ZNF407: variants seen among roughly 807,000 people sequenced by gnomAD.
The protein encoded by ZNF407 is zinc finger protein 407.
In ZNF407, 17 loss-of-function variants were observed where a neutral mutation model predicts 131.2. The ratio of observed to expected loss-of-function variants is 0.13; its 90% CI spans 0.09 to 0.19. The LOEUF is 0.19. Among genes scored for constraint, ZNF407 ranks in the 10% least tolerant of loss-of-function variants. The pLI, the probability that ZNF407 is intolerant of heterozygous loss-of-function variation, is 1.00. For synonymous variants in ZNF407, 1,156 were observed against 1,062.0 expected (o/e 1.09, Z -1.72); for missense variants, 2,681 against 2,830.6 (o/e 0.95, Z 1.20).
In ZNF407 at chr18:74,620,025, T is replaced by TAA. The variant is rs36173609; in HGVS notation, c.-53-10931_-53-10930dup. 4.7e-3 allele frequency among the ~76,000 whole-genome samples: 696 copies of TAA among 147,254 alleles called. 3 individuals are homozygous for TAA. The highest frequency in any genetic ancestry group is 7.8e-3 in the Admixed American group (116 of 14,842). On this transcript the variant is annotated intron_variant, in intron 1 of 8. Coordinates refer to ENST00000299687, the MANE Select transcript of ZNF407 (RefSeq NM_017757.3). ...GTCCCCTTTTTTCTATCCCAATAAT[T>TAA]AAAAAAAAAAAACCCAGACAATTAG... is the stretch of plus-strand genomic sequence containing the variant.
rs117362237 is a variant in ZNF407, at chr18:75,004,999, G to A, written c.5429-58151G>A. 2.6e-5 allele frequency among the ~76,000 whole-genome samples: 4 copies of A among 152,292 alleles called. No homozygotes were observed. In the East Asian group the frequency reaches 7.7e-4, roughly 29 times the overall value. ...CAGAGATATTGACAGTCTGTGCTTG[G>A]AAGGAAAATAGGAGTTTGATATGAC... On this transcript the variant is annotated intron_variant, in intron 8 of 8. Transcript: ENST00000299687.
At chr18:75,054,287 G>A (rs1382117609) in intron 8 of ZNF407, among the ~76,000 whole-genome samples, 1 of 152,202 alleles carries the variant, frequency 6.6e-6, no homozygotes, top group Non-Finnish European at 1.5e-5. Flanking sequence ...TCTGTTTACT[G>A]TAAATTTGAT....
At chr18:74,772,147 T>C (rs539856352) in intron 3 of ZNF407, among the ~76,000 whole-genome samples, 4 of 152,320 alleles carry the variant, frequency 2.6e-5, no homozygotes, top group South Asian at 2.1e-4. Flanking sequence ...ACTTATCTTG[T>C]CTGAGCCCCA....
At chr18:75,055,542 G>A (rs1459659702) in intron 8 of ZNF407, among the ~76,000 whole-genome samples, 2 of 152,170 alleles carry the variant, frequency 1.3e-5, no homozygotes, top group Admixed American at 6.5e-5. Flanking sequence ...CTAAGGGTCT[G>A]GTATAATACA....
At chr18:74,638,934 G>A (rs750191946) in intron 2 of ZNF407, among the ~76,000 whole-genome samples, 11 of 151,878 alleles carry the variant, frequency 7.2e-5, no homozygotes, top group South Asian at 2.1e-4. Flanking sequence ...TCTTTAATGC[G>A]GAGAAGTATT....
chr18:74,605,970 G>A (rs934011415), intron 1 of ZNF407, among the ~76,000 whole-genome samples: 19 of 152,178 alleles, frequency 1.2e-4, no homozygotes, highest in Non-Finnish European at 2.4e-4. Flanking sequence ...TCCTAAGCCC[G>A]ATGAAATTAC....
intron 8 of ZNF407, among the ~76,000 whole-genome samples, chr18:75,043,120 G>A (rs527987383): frequency 9.9e-5 from 15 of 152,248 alleles, no homozygotes; most frequent in Admixed American, 2.0e-4. Flanking sequence ...GTGCCATTTC[G>A]CATCCCCACC....
At chr18:74,973,765 C>G (rs1228512183) in intron 8 of ZNF407, among the ~76,000 whole-genome samples, 9 of 152,144 alleles carry the variant, frequency 5.9e-5, no homozygotes, top group Admixed American at 4.6e-4. Context: ...TGGAACAGTT[C>G]CAGGCGTCTC....
chr18:75,040,808 C>T (rs550260029), intron 8 of ZNF407, among the ~76,000 whole-genome samples: 7 of 152,192 alleles, frequency 4.6e-5, no homozygotes, highest in African/African-American at 1.7e-4. Context: ...TACTTCTAAT[C>T]CAGACTTCTA....
chr18:74,677,654 C>T (rs1489703359), intron 3 of ZNF407, among the ~76,000 whole-genome samples: 2 of 152,094 alleles, frequency 1.3e-5, no homozygotes, highest in Admixed American at 1.3e-4. Context: ...AATACTTACC[C>T]TCTGTTTCTT....
chr18:74,862,504 T>C (rs1295866682), intron 4 of ZNF407, among the ~76,000 whole-genome samples: 1 of 152,234 alleles, frequency 6.6e-6, no homozygotes, highest in African/African-American at 2.4e-5. Flanking sequence ...TTCTGCTGTT[T>C]TTACTATAAA....
intron 8 of ZNF407, among the ~76,000 whole-genome samples, chr18:75,046,245 C>T (rs1973434129): frequency 6.6e-6 from 1 of 152,182 alleles, no homozygotes; most frequent in Non-Finnish European, 1.5e-5. Flanking sequence ...GGACCAATCA[C>T]TGTATCATGT....
chr18:74,814,997 A>G (rs1006797396), intron 4 of ZNF407, among the ~76,000 whole-genome samples: 1 of 151,910 alleles, frequency 6.6e-6, no homozygotes, highest in South Asian at 2.1e-4. Flanking sequence ...AAATTTTACA[A>G]TGTAAAATTA....
At chr18:74,774,037 G>A (rs1293747680) in intron 3 of ZNF407, among the ~76,000 whole-genome samples, 1 of 152,226 alleles carries the variant, frequency 6.6e-6, no homozygotes, top group Non-Finnish European at 1.5e-5. Context: ...GAGAAGTGAT[G>A]TCAAATAAAC....
intron 8 of ZNF407, among the ~76,000 whole-genome samples, chr18:74,947,954 A>C (rs1241654691): frequency 1.3e-5 from 2 of 152,232 alleles, no homozygotes; most frequent in African/African-American, 4.8e-5. Context: ...CACACCTTCA[A>C]AACCAAGGGT....
At chr18:74,800,711 A>G (rs1476011062) in intron 4 of ZNF407, among the ~76,000 whole-genome samples, 1 of 152,148 alleles carries the variant, frequency 6.6e-6, no homozygotes, top group Non-Finnish European at 1.5e-5. Context: ...AGTTTGTTTT[A>G]TATACTGAAA....
intron 2 of ZNF407, among the ~76,000 whole-genome samples, chr18:74,638,409 G>A (rs1013148452): frequency 1.3e-5 from 2 of 152,202 alleles, no homozygotes; most frequent in Non-Finnish European, 2.9e-5. Context: ...GAATGTTTAG[G>A]GAGGATTGTA....
intron 3 of ZNF407, among the ~76,000 whole-genome samples, chr18:74,684,781 T>C (rs1241587166): frequency 6.6e-6 from 1 of 152,218 alleles, no homozygotes; most frequent in East Asian, 1.9e-4. Context: ...GTTCGAACTT[T>C]AGTTATCTAG....
intron 4 of ZNF407, among the ~76,000 whole-genome samples, chr18:74,875,866 A>G (rs188048579): frequency 2.6e-5 from 4 of 152,270 alleles, no homozygotes; most frequent in Non-Finnish European, 5.9e-5. Flanking sequence ...ATATTTAACT[A>G]TTTTTATTTC....
Sources: gnomAD v4.1 joint callset for allele counts (sites outside exome capture counted in the v4.1 genomes callset) on GRCh38, gnomAD v4.1.1 for gene constraint, MANE v1.5 for transcripts, NCBI Gene and HGNC (gene_info 2026-07-23, HGNC 2026-07-21) for gene names.